The following RAP1GAP2 variants were observed in gnomAD, a reference collection of about 807,000 sequenced individuals.
The protein encoded by RAP1GAP2 is rap1 GTPase-activating protein 2.
Under a neutral mutation model 95.0 loss-of-function variants are expected in RAP1GAP2, and 27 were observed. That is an observed-to-expected ratio of 0.28 (90% confidence interval 0.21 to 0.39). The LOEUF (loss-of-function observed/expected upper bound fraction) is 0.39, where lower values mean the gene tolerates loss of function less well. RAP1GAP2 is among the 10% of genes least tolerant of loss of function. RAP1GAP2 has a pLI of 1.00. For missense variants in RAP1GAP2, 771 were observed against 970.0 expected, an observed-to-expected ratio of 0.79 and a Z score of 2.72; for synonymous variants, 373 against 380.9, an observed-to-expected ratio of 0.98 and a Z score of 0.24.
intron 2 of RAP1GAP2, among the ~76,000 whole-genome samples, chr17:2,860,541 AG>A (rs1401171012): frequency 6.7e-5 from 10 of 148,780 alleles, no homozygotes; most frequent in African/African-American, 2.5e-4. Flanking sequence ...AAATAGAACC[AG>A]GTCTCTCTCC....
chr17:2,852,709 C>T (rs1056288568), intron 2 of RAP1GAP2, among the ~76,000 whole-genome samples: 1 of 152,260 alleles, frequency 6.6e-6, no homozygotes, highest in African/African-American at 2.4e-5. Context: ...CCCCTGCCCA[C>T]TTCCTTTTCC....
chr17:3,034,977 CTTTTTTTT>C lies in RAP1GAP2; in HGVS notation c.*1626_*1633del. 7.2e-6 allele frequency: 1 copy of C among 138,640 alleles called. No individual in the cohort carries two copies. Among genetic ancestry groups the C allele is most frequent in the South Asian group, 2.3e-4 (1 of 4,310 alleles). The allele number at this position is 138,640 out of a possible 1,614,324, so 8.6% of individuals were successfully genotyped here. ...CTGTGCCCAAGATATAAATACTACA[CTTTTTTTT>C]TTTTTTTTTAACTGACATTGTGAAA... On this transcript the variant is annotated 3_prime_UTR_variant, in exon 25 of 25. Transcript: ENST00000254695. The surrounding 1 kb of genome is among the most constrained non-coding windows in gnomAD (Gnocchi z 5.1).
At chr17:2,764,141 TATAAA>T (rs2068234830) in intron 1 of RAP1GAP2, among the ~76,000 whole-genome samples, 1 of 151,974 alleles carries the variant, frequency 6.6e-6, no homozygotes, top group Non-Finnish European at 1.5e-5. Flanking sequence ...TTTTAAAAAA[TATAAA>T]ATAGGCTGTG....
At chr17:2,968,870 G>T (rs1004510659) in intron 8 of RAP1GAP2, among the ~76,000 whole-genome samples, 1 of 151,666 alleles carries the variant, frequency 6.6e-6, no homozygotes, top group African/African-American at 2.4e-5. Context: ...AAAGAAAGCG[G>T]GATTGGCAAT....
chr17:2,769,930 A>G (rs1335164319), intron 1 of RAP1GAP2, among the ~76,000 whole-genome samples: 1 of 151,112 alleles, frequency 6.6e-6, no homozygotes, highest in Non-Finnish European at 1.5e-5. Context: ...AAAATTAGCG[A>G]GGCGTGGTGG....
chr17:2,861,659 G>GA (rs1276909556), intron 2 of RAP1GAP2, among the ~76,000 whole-genome samples: 1 of 150,648 alleles, frequency 6.6e-6, no homozygotes, highest in Non-Finnish European at 1.5e-5. Context: ...TTGGGGGGGG[G>GA]GACGGAGTCT....
chr17:2,966,927 G>A (rs2044628212), intron 8 of RAP1GAP2, among the ~76,000 whole-genome samples: 1 of 152,140 alleles, frequency 6.6e-6, no homozygotes, highest in Non-Finnish European at 1.5e-5. Flanking sequence ...GACTGGAAAT[G>A]CTGCTTCGGG....
Position 3,020,457 on chromosome 17 carries a change from T to C in RAP1GAP2, c.1633-20T>C. ...CGGTGTTTGGGCCGGGAGCACTCAT[T>C]TTGGCAATTTCATCGACAGCCTCCA... is the stretch of plus-strand genomic sequence containing the variant. On this transcript the variant is annotated intron_variant, in intron 18 of 24. Transcript: ENST00000254695. The C allele has an allele frequency of 6.2e-7, 1 of 1,605,298 alleles. No individual in the cohort carries two copies. The highest frequency in any genetic ancestry group is 8.5e-7 in the Non-Finnish European group (1 of 1,173,158).
intron 2 of RAP1GAP2, among the ~76,000 whole-genome samples, chr17:2,804,415 C>T (rs1476461): frequency 0.7 from 107,261 of 152,168 alleles, 38,856 homozygotes; most frequent in African/African-American, 0.88. Flanking sequence ...TTTAGGAAAC[C>T]CGTTCAAGGT....
rs1449675621 is a variant in RAP1GAP2 at position 2,853,951 on chromosome 17, C to CGGGGACGCGGGCGGGCGAGGTCG, written c.81-51330_81-51308dup. ...TGCGGAGCGCGCGGAGCCGGGGCTG[C>CGGGGACGCGGGCGGGCGAGGTCG]GGGGACGCGGGCGGGCGAGGTCGGG... On this transcript the variant is annotated intron_variant, in intron 2 of 24. Transcript: ENST00000254695. 1.3e-4 allele frequency: 132 copies of CGGGGACGCGGGCGGGCGAGGTCG among 982,498 alleles called. 1 individual carries two copies. The highest frequency in any genetic ancestry group is 1.1e-4 in the Non-Finnish European group (91 of 829,006). The allele number at this position is 982,498 out of a possible 1,614,324, so 60.9% of individuals were successfully genotyped here.
chr17:2,783,383 C>T (rs2068702529), intron 1 of RAP1GAP2, among the ~76,000 whole-genome samples: 1 of 152,194 alleles, frequency 6.6e-6, no homozygotes, highest in Non-Finnish European at 1.5e-5. Context: ...AGGGACCTGT[C>T]TGTCTTGCTT....
chr17:2,853,649 G>C (rs954072326), intron 2 of RAP1GAP2, among the ~76,000 whole-genome samples: 8 of 148,906 alleles, frequency 5.4e-5, no homozygotes, highest in Admixed American at 4.7e-4. Flanking sequence ...GGCCGAGGCC[G>C]GGGCGCGGGA....
At chr17:2,859,882 GTA>G (rs1489131370) in intron 2 of RAP1GAP2, among the ~76,000 whole-genome samples, 1 of 151,380 alleles carries the variant, frequency 6.6e-6, no homozygotes, top group African/African-American at 2.4e-5. Flanking sequence ...CTGTAAGTTG[GTA>G]TTTAGTTCTA....
intron 3 of RAP1GAP2, among the ~76,000 whole-genome samples, chr17:2,942,353 G>C (rs189576344): frequency 1.3e-5 from 2 of 152,100 alleles, no homozygotes; most frequent in Non-Finnish European, 2.9e-5. Flanking sequence ...ACATTCAGTG[G>C]CTTCCATAGC....
In RAP1GAP2 at chr17:2,993,609, G is replaced by A. The variant is rs1446597662; in HGVS notation, c.915-1728G>A. On this transcript the variant is annotated intron_variant, in intron 12 of 24. Transcript: ENST00000254695. ...ATAAATAAATAAATAAAAAATAAAA[G>A]ATAAGATAATGCTCACGAAACACTT... 2.6e-5 allele frequency among the ~76,000 whole-genome samples: 4 copies of A among 151,274 alleles called. No homozygotes were observed. The East Asian group carries it at 7.7e-4, about 29-fold the overall frequency.
At chr17:3,032,367 C>T in intron 23 of RAP1GAP2, 44 bp from the exon 24 acceptor site, 3 of 1,613,278 alleles carry the variant, frequency 1.9e-6, no homozygotes, top group Middle Eastern at 1.7e-4. Flanking sequence ...GGGACCTGTG[C>T]TGTCTGGTTA....
At chr17:2,859,386 T>C (rs1232166435) in intron 2 of RAP1GAP2, among the ~76,000 whole-genome samples, 2 of 151,904 alleles carry the variant, frequency 1.3e-5, no homozygotes, top group Non-Finnish European at 2.9e-5. Context: ...GCTGGAATTA[T>C]AGGATACATG....
At chr17:2,929,408 G>T (rs772638729) in intron 3 of RAP1GAP2, among the ~76,000 whole-genome samples, 2 of 152,190 alleles carry the variant, frequency 1.3e-5, no homozygotes, top group Non-Finnish European at 2.9e-5. Context: ...ACTGTGATGG[G>T]CGGCATTTAT....
chr17:2,835,821 A>G (rs2071102325), intron 2 of RAP1GAP2, among the ~76,000 whole-genome samples: 1 of 152,154 alleles, frequency 6.6e-6, no homozygotes, highest in Admixed American at 6.6e-5. Context: ...TTTATTCCCC[A>G]ACATTTTCCT....
Sources: allele counts gnomAD v4.1 joint callset (sites outside exome capture counted in the v4.1 genomes callset), GRCh38; gene constraint gnomAD v4.1.1; non-coding constraint Gnocchi (gnomAD v3.1); transcripts MANE v1.5; gene names NCBI Gene and HGNC (gene_info 2026-07-23, HGNC 2026-07-21).